The following MKX variants were observed in gnomAD, a reference collection of about 807,000 sequenced individuals.
The protein encoded by MKX is mohawk homeobox, also known as homeobox protein Mohawk.
MKX carries 13 observed loss-of-function variants against 36.0 expected under a neutral mutation model. The ratio of observed to expected loss-of-function variants is 0.36; its 90% CI spans 0.24 to 0.57. The LOEUF (loss-of-function observed/expected upper bound fraction) is 0.57, where lower values mean the gene tolerates loss of function less well. MKX is among the 20% of genes least tolerant of loss of function. The pLI is 0.79. For missense variants in MKX, 458 were observed against 456.4 expected (o/e 1.00, Z -0.03); for synonymous variants, 176 against 178.3 (o/e 0.99, Z 0.10).
Position 27,675,243 on chromosome 10 carries a change from C to A in MKX, c.1045G>T (p.Val349Leu), listed in dbSNP as rs764386821. The change falls in exon 7 of 7, where the codon GTG becomes TTG. Residue 349 changes from valine to leucine, a missense_variant. By Grantham distance (32) the Val-to-Leu change is conservative. Around this residue, in one of 3 missense-constraint regions of MKX, gnomAD observed 297 missense variants for 304.4 expected, o/e 0.98. Coordinates refer to ENST00000419761, the MANE Select transcript of MKX (RefSeq NM_173576.3). ...GCAACAAGCTCTTAAAACTGCTGCA[C>A]CAGCGGCACTTTGACAGTCTTTACT... is the stretch of plus-strand genomic sequence containing the variant. Reference protein sequence around the residue: ...AEVKTVKVPLVQQF With the variant: ...AEVKTVKVPLLQQF The A allele has an allele frequency of 1.6e-5, 26 of 1,613,630 alleles. No homozygotes were observed. The highest frequency in any genetic ancestry group is 4.0e-5 in the African/African-American group (3 of 74,896).
intron 5 of MKX, among the ~76,000 whole-genome samples, chr10:27,702,866 C>T (rs1367099682): frequency 1.3e-5 from 2 of 152,148 alleles, no homozygotes; most frequent in Non-Finnish European, 2.9e-5. Context: ...TTTCCCAGAA[C>T]TGAAACACCA....
chr10:27,736,184 GA>G (rs1325946761), intron 3 of MKX, among the ~76,000 whole-genome samples: 9 of 152,114 alleles, frequency 5.9e-5, no homozygotes, highest in Admixed American at 5.9e-4. Flanking sequence ...CCAAGCTTTG[GA>G]AACCATTAGA....
rs375770803 is a variant in MKX at position 27,743,842 on chromosome 10, C to T, written c.-82-345G>A. Among the ~76,000 whole-genome samples, 8 of 152,224 alleles carry T rather than the reference C, an allele frequency of 5.3e-5. No homozygotes were observed. In the East Asian group the frequency reaches 1.2e-3, roughly 22 times the overall value. On this transcript the variant is annotated intron_variant, in intron 1 of 6. Transcript: ENST00000419761. ...AGTTTGAATCTGGGAGAGGCATACT[C>T]CGGACTGCGGAGCGCGACCGGCGTG... is the stretch of plus-strand genomic sequence containing the variant.
intron 2 of MKX, among the ~76,000 whole-genome samples, 184 bp downstream of exon 2, chr10:27,743,044 G>A (rs563210545): frequency 6.6e-6 from 1 of 152,354 alleles, no homozygotes; most frequent in East Asian, 1.9e-4. Flanking sequence ...GATCCCTCAT[G>A]TTTTAAGATA....
chr10:27,722,693 C>T (rs1021726404), intron 5 of MKX, among the ~76,000 whole-genome samples: 2 of 152,086 alleles, frequency 1.3e-5, no homozygotes, highest in African/African-American at 4.8e-5. Context: ...AAAACTGGGG[C>T]CCTACAAAGT....
intron 5 of MKX, among the ~76,000 whole-genome samples, chr10:27,685,974 A>G (rs1290955240): frequency 3.3e-5 from 5 of 152,196 alleles, no homozygotes; most frequent in Admixed American, 3.3e-4. Flanking sequence ...AAAACCACCC[A>G]ACAACCCATA....
chr10:27,683,761 G>A (rs779645870), intron 5 of MKX, among the ~76,000 whole-genome samples: 18 of 152,308 alleles, frequency 1.2e-4, no homozygotes, highest in Admixed American at 5.2e-4. Flanking sequence ...CACATACTTG[G>A]AACAACTGAG....
chr10:27,711,078 A>G (rs1836842129), intron 5 of MKX, among the ~76,000 whole-genome samples: 1 of 152,200 alleles, frequency 6.6e-6, no homozygotes, highest in South Asian at 2.1e-4. Flanking sequence ...TTACTTTTCA[A>G]GTAAGATGAT....
chr10:27,732,838 C>T (rs1247283373), intron 5 of MKX, among the ~76,000 whole-genome samples: 1 of 152,064 alleles, frequency 6.6e-6, no homozygotes, highest in Non-Finnish European at 1.5e-5. Flanking sequence ...GCCTTGATCT[C>T]CTGGGCTCAA....
At chr10:27,711,447 C>CTT (rs1458808940) in intron 5 of MKX, among the ~76,000 whole-genome samples, 17 of 9,384 alleles carry the variant, frequency 1.8e-3, no homozygotes, top group South Asian at 7.6e-3. Flanking sequence ...TTCTTTCTTT[C>CTT]TTTCTTTCTT....
chr10:27,743,481 G>A lies in MKX; in HGVS notation c.-66C>T. 3 of 1,436,560 alleles carry A rather than the reference G, an allele frequency of 2.1e-6. No homozygotes were observed. The highest frequency in any genetic ancestry group is 2.7e-6 in the Non-Finnish European group (3 of 1,091,158). 89.0% of individuals were successfully genotyped at this position (1,436,560 alleles called of 1,614,324 possible). On this transcript the variant is annotated 5_prime_UTR_variant, in exon 2 of 7. Transcript: ENST00000419761. ...TCGGGGCTGGGCCGCCGGGAGCTCC[G>A]CAGCGGGGCTCGGCTTCTAGGAGAG...
intron 5 of MKX, among the ~76,000 whole-genome samples, chr10:27,723,387 T>C (rs1834421671): frequency 6.6e-6 from 1 of 152,186 alleles, no homozygotes; most frequent in Non-Finnish European, 1.5e-5. Flanking sequence ...CTGGATAGAT[T>C]TAGCAGCTCA....
chr10:27,687,511 G>A (rs1264793384), intron 5 of MKX, among the ~76,000 whole-genome samples: 1 of 152,196 alleles, frequency 6.6e-6, no homozygotes, highest in Non-Finnish European at 1.5e-5. Flanking sequence ...CTGGCTGGTG[G>A]CTCTTTAGTC....
chr10:27,728,184 G>C (rs1342046023), intron 5 of MKX, among the ~76,000 whole-genome samples: 3 of 152,198 alleles, frequency 2.0e-5, no homozygotes, highest in African/African-American at 7.2e-5. Flanking sequence ...AACCAAGAAA[G>C]TGACAGCACA....
rs1835010691 is a variant in MKX at position 27,744,715 on chromosome 10, C to T, written c.-83+992G>A. 7.1e-6 allele frequency: 1 copy of T among 141,364 alleles called. No individual in the cohort carries two copies. The highest frequency in any genetic ancestry group is 2.8e-4 in the South Asian group (1 of 3,570). The allele number at this position is 141,364 out of a possible 1,614,324, so 8.8% of individuals were successfully genotyped here. ...ACTAACACACGCGCGCGCGCATACACACACACACACACACACACACACACA... is the reference window on the plus strand; with the variant it reads ...ACTAACACACGCGCGCGCGCATACATACACACACACACACACACACACACA... On this transcript the variant is annotated intron_variant, in intron 1 of 6. Coordinates refer to ENST00000419761, the MANE Select transcript of MKX (RefSeq NM_173576.3). This position sits in a 1 kb window ranked among gnomAD's most constrained non-coding sequence, Gnocchi z 5.6.
chr10:27,690,600 C>T (rs1836436896), intron 5 of MKX, among the ~76,000 whole-genome samples: 1 of 152,134 alleles, frequency 6.6e-6, no homozygotes, highest in Non-Finnish European at 1.5e-5. Flanking sequence ...GTAACACCTA[C>T]TTCGTACGGT....
intron 5 of MKX, among the ~76,000 whole-genome samples, chr10:27,697,655 A>C (rs1176290529): frequency 6.6e-6 from 1 of 152,166 alleles, no homozygotes; most frequent in Non-Finnish European, 1.5e-5. Context: ...TTACTTATTC[A>C]CAGGTTCATT....
rs1216836335 is a variant in MKX at position 27,673,757 on chromosome 10, A to T, written c.*1472T>A. On this transcript the variant is annotated 3_prime_UTR_variant, in exon 7 of 7. Transcript: ENST00000419761. Reference sequence around the variant, plus strand: ...TGTCCTACAATTTAGATCAAGACTGATACTGTCCATCAACTAGAGCAGCCT... The same window carrying T: ...TGTCCTACAATTTAGATCAAGACTGTTACTGTCCATCAACTAGAGCAGCCT... 2 of 152,540 alleles carry T rather than the reference A, an allele frequency of 1.3e-5. No individual in the cohort carries two copies. Among genetic ancestry groups the T allele is most frequent in the African/African-American group, 4.8e-5 (2 of 41,448 alleles). 9.4% of individuals were successfully genotyped at this position (152,540 alleles called of 1,614,324 possible).
intron 3 of MKX, among the ~76,000 whole-genome samples, chr10:27,735,725 G>A (rs1426231020): frequency 6.6e-6 from 1 of 152,160 alleles, no homozygotes; most frequent in East Asian, 1.9e-4. Flanking sequence ...CGAGTCCAAA[G>A]GAAAGAGGGG....
Sources: allele counts gnomAD v4.1 joint callset (sites outside exome capture counted in the v4.1 genomes callset), GRCh38; gene constraint gnomAD v4.1.1; regional missense constraint gnomAD v4.1.1; non-coding constraint Gnocchi (gnomAD v3.1); transcripts MANE v1.5; gene names NCBI Gene and HGNC (gene_info 2026-07-23, HGNC 2026-07-21).